The following LRRTM4 variants were observed in gnomAD, a reference collection of about 807,000 sequenced individuals.
The protein encoded by LRRTM4 is leucine rich repeat transmembrane neuronal 4, also known as leucine-rich repeat transmembrane neuronal protein 4.
In LRRTM4, 25 loss-of-function variants were observed where a neutral mutation model predicts 47.6. The ratio of observed to expected loss-of-function variants is 0.53; its 90% CI spans 0.38 to 0.73. The LOEUF is 0.73. Among genes scored for constraint, LRRTM4 ranks in the 30% least tolerant of loss-of-function variants. LRRTM4 has a pLI of 0.00. For missense variants in LRRTM4, 638 were observed against 713.4 expected, an observed-to-expected ratio of 0.89 and a Z score of 1.20; for synonymous variants, 311 against 269.5, an observed-to-expected ratio of 1.15 and a Z score of -1.51.
intron 3 of LRRTM4, among the ~76,000 whole-genome samples, chr2:77,185,292 G>T (rs1002284869): frequency 1.3e-5 from 2 of 152,070 alleles, no homozygotes; most frequent in Non-Finnish European, 2.9e-5. Flanking sequence ...GTCCAGTGTC[G>T]TTCTTCGGAT....
At chr2:76,888,372 C>A (rs985241899) in intron 3 of LRRTM4, among the ~76,000 whole-genome samples, 4 of 151,228 alleles carry the variant, frequency 2.6e-5, no homozygotes, top group Non-Finnish European at 4.4e-5. Context: ...TTAGAGAATA[C>A]ATATTGTATT....
chr2:77,277,735 C>T (rs567188764), intron 3 of LRRTM4, among the ~76,000 whole-genome samples: 2 of 151,946 alleles, frequency 1.3e-5, no homozygotes, highest in African/African-American at 4.8e-5. Flanking sequence ...ATAGCTCATT[C>T]GTAGTGAACT....
chr2:77,508,051 T>C (rs1678847726), intron 3 of LRRTM4, among the ~76,000 whole-genome samples: 1 of 152,068 alleles, frequency 6.6e-6, no homozygotes, highest in Non-Finnish European at 1.5e-5. Flanking sequence ...ATCACCAAAA[T>C]AGTCATGATC....
At chr2:77,214,710 T>TA (rs1558636868) in intron 3 of LRRTM4, among the ~76,000 whole-genome samples, 1 of 151,970 alleles carries the variant, frequency 6.6e-6, no homozygotes, top group African/African-American at 2.4e-5. Context: ...TTTTTTTTTT[T>TA]ACCATTGCTA....
chr2:76,845,895 A>G (rs1361883561), intron 3 of LRRTM4, among the ~76,000 whole-genome samples: 1 of 152,106 alleles, frequency 6.6e-6, no homozygotes, highest in Non-Finnish European at 1.5e-5. Flanking sequence ...GAAAATCTGG[A>G]ACAAAGGTGA....
intron 3 of LRRTM4, among the ~76,000 whole-genome samples, chr2:76,786,985 T>G (rs1674707229): frequency 6.6e-6 from 1 of 152,018 alleles, no homozygotes; most frequent in Admixed American, 6.6e-5. Flanking sequence ...TTTTTTTCAA[T>G]TTCCAGCAAT....
At chr2:77,014,591 C>A (rs1357099562) in intron 3 of LRRTM4, among the ~76,000 whole-genome samples, 1 of 151,614 alleles carries the variant, frequency 6.6e-6, no homozygotes, top group East Asian at 2.0e-4. Context: ...GTAGGCAGAT[C>A]GCCTGAGGTC....
At chr2:77,258,597 A>G (rs1030796673) in intron 3 of LRRTM4, among the ~76,000 whole-genome samples, 9 of 149,300 alleles carry the variant, frequency 6.0e-5, no homozygotes, top group African/African-American at 1.5e-4. Context: ...AAAAATTAGG[A>G]AAAAAAAACA....
At chr2:77,514,698 C>T (rs191934301) in intron 3 of LRRTM4, among the ~76,000 whole-genome samples, 21 of 151,822 alleles carry the variant, frequency 1.4e-4, no homozygotes, top group African/African-American at 4.6e-4. Context: ...TACATTCATT[C>T]ATTTTAAATT....
intron 3 of LRRTM4, among the ~76,000 whole-genome samples, chr2:77,226,908 C>A (rs1178706397): frequency 2.0e-5 from 3 of 151,970 alleles, no homozygotes; most frequent in African/African-American, 4.8e-5. Flanking sequence ...AAGATCTGAA[C>A]TGAGTCGCCC....
intron 3 of LRRTM4, among the ~76,000 whole-genome samples, chr2:76,819,847 G>A (rs1013224738): frequency 4.6e-5 from 7 of 151,874 alleles, no homozygotes; most frequent in African/African-American, 1.7e-4. Flanking sequence ...ATTGTGAAAG[G>A]TGAAACCACC....
intron 3 of LRRTM4, among the ~76,000 whole-genome samples, chr2:77,079,360 C>G (rs969839971): frequency 1.3e-5 from 2 of 152,170 alleles, no homozygotes; most frequent in African/African-American, 4.8e-5. Flanking sequence ...TTTATTGAAA[C>G]ACATCTGTGC....
intron 3 of LRRTM4, among the ~76,000 whole-genome samples, chr2:77,253,089 A>G (rs753191560): frequency 6.6e-6 from 1 of 152,136 alleles, no homozygotes; most frequent in Non-Finnish European, 1.5e-5. Context: ...CAGGGAGGTT[A>G]CACTCTCCTC....
chr2:77,232,928 A>G (rs1459885220), intron 3 of LRRTM4, among the ~76,000 whole-genome samples: 5 of 152,200 alleles, frequency 3.3e-5, no homozygotes, highest in Non-Finnish European at 4.4e-5. Context: ...TTTGTTAAAT[A>G]TAATTACTTG....
At chr2:77,463,033 A>T (rs1175342570) in intron 3 of LRRTM4, among the ~76,000 whole-genome samples, 1 of 152,078 alleles carries the variant, frequency 6.6e-6, no homozygotes, top group Non-Finnish European at 1.5e-5. Context: ...TGCCTTGATT[A>T]TCAGTGGAAA....
At chr2:77,281,038 GTGA>G (rs2104099684) in intron 3 of LRRTM4, among the ~76,000 whole-genome samples, 1 of 152,016 alleles carries the variant, frequency 6.6e-6, no homozygotes, top group Admixed American at 6.6e-5. Context: ...CTCAGTCTTT[GTGA>G]ACCCATATTG....
chr2:77,099,171 C>T (rs547629581), intron 3 of LRRTM4, among the ~76,000 whole-genome samples: 1 of 151,882 alleles, frequency 6.6e-6, no homozygotes, highest in South Asian at 2.1e-4. Context: ...TATGAATTCT[C>T]ATACATATGA....
Position 77,030,960 on chromosome 2 carries a change from T to C in LRRTM4, c.1552-282044A>G, listed in dbSNP as rs561365248. ...TCTCTCTTAATTTGCAATGTGTCAA[T>C]GGCTATTGATGTAAATATTTTAAGA... On this transcript the variant is annotated intron_variant, in intron 3 of 3. Coordinates refer to ENST00000409884, the MANE Select transcript of LRRTM4 (RefSeq NM_001134745.3). 1.9e-4 allele frequency among the ~76,000 whole-genome samples: 29 copies of C among 152,356 alleles called. No individual in the cohort carries two copies. The South Asian group carries it at 4.1e-3, about 22-fold the overall frequency.
At chr2:76,853,580 G>T (rs535302208) in intron 3 of LRRTM4, among the ~76,000 whole-genome samples, 1 of 151,944 alleles carries the variant, frequency 6.6e-6, no homozygotes, top group Admixed American at 6.6e-5. Flanking sequence ...GTATTTAAAA[G>T]TTACCTCCCT....
Sources: gnomAD v4.1 joint callset for allele counts (sites outside exome capture counted in the v4.1 genomes callset) on GRCh38, gnomAD v4.1.1 for gene constraint, MANE v1.5 for transcripts, NCBI Gene and HGNC (gene_info 2026-07-23, HGNC 2026-07-21) for gene names.